The following PABPC4L variants were observed in gnomAD, a reference collection of about 807,000 sequenced individuals.
The protein encoded by PABPC4L is polyadenylate-binding protein 4-like.
For missense variants in PABPC4L, 452 were observed against 451.4 expected, an observed-to-expected ratio of 1.00 and a Z score of -0.01; for synonymous variants, 169 against 164.1, an observed-to-expected ratio of 1.03 and a Z score of -0.23.
the PABPC4L span, among the ~76,000 whole-genome samples, chr4:134,026,556 T>A: frequency 6.6e-6 from 1 of 152,136 alleles, no homozygotes; most frequent in African/African-American, 2.4e-5. Context: ...GAACTAAAAC[T>A]GCCATATCCT....
the PABPC4L span, among the ~76,000 whole-genome samples, chr4:134,042,792 A>G: frequency 3.9e-5 from 6 of 152,268 alleles, no homozygotes; most frequent in African/African-American, 1.4e-4. Context: ...ATTTATATGG[A>G]TATTCATTGT....
the PABPC4L span, among the ~76,000 whole-genome samples, chr4:134,103,613 A>C: frequency 1.3e-5 from 2 of 151,816 alleles, no homozygotes; most frequent in Middle Eastern, 6.8e-3. Flanking sequence ...AAATACTGTC[A>C]CATTCTGATG....
At chr4:134,093,467 G>GTATT in the PABPC4L span, among the ~76,000 whole-genome samples, 11 of 150,594 alleles carry the variant, frequency 7.3e-5, no homozygotes, top group African/African-American at 2.4e-4. Context: ...TGTTCTAATT[G>GTATT]TTATTCCTTC....
the PABPC4L span, among the ~76,000 whole-genome samples, chr4:133,978,448 T>C: frequency 6.6e-6 from 1 of 151,848 alleles, no homozygotes; most frequent in Non-Finnish European, 1.5e-5. Context: ...TCTCTACAAA[T>C]AATAATAATA....
the PABPC4L span, among the ~76,000 whole-genome samples, chr4:134,068,722 T>A: frequency 4.9e-4 from 75 of 152,076 alleles, no homozygotes; most frequent in Non-Finnish European, 9.6e-4. Context: ...CATCTTTTTT[T>A]TTTTTTGACA....
At chr4:133,972,940 A>C in the PABPC4L span, among the ~76,000 whole-genome samples, 2 of 152,142 alleles carry the variant, frequency 1.3e-5, no homozygotes, top group East Asian at 3.9e-4. Context: ...CAAACACAGA[A>C]GCGAGATGGC....
the PABPC4L span, among the ~76,000 whole-genome samples, chr4:134,088,274 T>C: frequency 6.6e-6 from 1 of 152,050 alleles, no homozygotes; most frequent in East Asian, 1.9e-4. Flanking sequence ...AATTTATATC[T>C]CCAGTTTCAA....
the PABPC4L span, among the ~76,000 whole-genome samples, chr4:134,138,105 A>G: frequency 3.3e-5 from 5 of 151,766 alleles, no homozygotes; most frequent in African/African-American, 4.8e-5. Context: ...GAAAATCTAC[A>G]TCTAAAACAG....
At chr4:134,165,999 C>T in the PABPC4L span, among the ~76,000 whole-genome samples, 1 of 152,096 alleles carries the variant, frequency 6.6e-6, no homozygotes, top group Non-Finnish European at 1.5e-5. Context: ...AGGTGAAGGT[C>T]ATTATTCTAA....
At chr4:134,106,288 A>G in the PABPC4L span, among the ~76,000 whole-genome samples, 1 of 151,714 alleles carries the variant, frequency 6.6e-6, no homozygotes, top group Middle Eastern at 3.2e-3. Flanking sequence ...ATTTACCTAC[A>G]GTTACACAAA....
the PABPC4L span, among the ~76,000 whole-genome samples, chr4:134,181,109 C>CA: frequency 4.6e-5 from 7 of 151,900 alleles, no homozygotes; most frequent in African/African-American, 1.7e-4. Flanking sequence ...AACATAAGTG[C>CA]AAAAATCCTC....
chr4:134,050,706 C>CAAAAAAAAAA, the PABPC4L span, among the ~76,000 whole-genome samples: 17 of 83,014 alleles, frequency 2.0e-4, no homozygotes, highest in Admixed American at 4.4e-4. Flanking sequence ...CACCGTCTCC[C>CAAAAAAAAAA]AAAAAAAAAA....
the PABPC4L span, among the ~76,000 whole-genome samples, chr4:134,151,454 C>A: frequency 6.6e-6 from 1 of 151,942 alleles, no homozygotes; most frequent in Non-Finnish European, 1.5e-5. Flanking sequence ...AGAATAGAAT[C>A]GAGAGGTGTG....
At chr4:134,150,934 G>A in the PABPC4L span, among the ~76,000 whole-genome samples, 1 of 152,076 alleles carries the variant, frequency 6.6e-6, no homozygotes, top group East Asian at 1.9e-4. Context: ...ATTAATAAAC[G>A]AAACATGATA....
chr4:134,110,498 G>T, the PABPC4L span, among the ~76,000 whole-genome samples: 1 of 151,238 alleles, frequency 6.6e-6, no homozygotes, highest in African/African-American at 2.4e-5. Flanking sequence ...TAATAAAATA[G>T]AAAAGTACAA....
the PABPC4L span, among the ~76,000 whole-genome samples, chr4:134,098,102 A>G: frequency 6.6e-6 from 1 of 151,856 alleles, no homozygotes; most frequent in Non-Finnish European, 1.5e-5. Context: ...GCAGTCTTAC[A>G]TATTTCATAC....
At chr4:134,024,222 A>G in the PABPC4L span, among the ~76,000 whole-genome samples, 3 of 152,086 alleles carry the variant, frequency 2.0e-5, no homozygotes, top group East Asian at 3.9e-4. Flanking sequence ...AGCTCTGAAT[A>G]TTTACATAGT....
the PABPC4L span, among the ~76,000 whole-genome samples, chr4:133,957,953 C>T: frequency 6.6e-6 from 1 of 152,138 alleles, no homozygotes; most frequent in African/African-American, 2.4e-5. Context: ...TTTTTTCTTT[C>T]TATGCCTCTG....
the PABPC4L span, among the ~76,000 whole-genome samples, chr4:134,099,230 T>A: frequency 3.1e-4 from 47 of 151,874 alleles, no homozygotes; most frequent in Non-Finnish European, 4.7e-4. Context: ...AATTCACTCA[T>A]CTTTTATTAT....
Sources: gnomAD v4.1 joint callset for allele counts (sites outside exome capture counted in the v4.1 genomes callset) on GRCh38, gnomAD v4.1.1 for gene constraint, MANE v1.5 for transcripts, NCBI Gene and HGNC (gene_info 2026-07-23, HGNC 2026-07-21) for gene names.